Variants in PTBP2 observed in about 807,000 individuals in gnomAD.
PTBP2 encodes the protein polypyrimidine tract-binding protein 2.
PTBP2 carries 13 observed loss-of-function variants against 61.4 expected under a neutral mutation model. That is an observed-to-expected ratio of 0.21 (90% confidence interval 0.14 to 0.34). The LOEUF (loss-of-function observed/expected upper bound fraction) is 0.34, where lower values mean the gene tolerates loss of function less well. PTBP2 is among the 10% of genes least tolerant of loss of function. The probability of loss-of-function intolerance (pLI) is 1.00; values close to 1 mark genes in which losing one functional copy is unlikely to be tolerated. For missense variants in PTBP2, 405 were observed against 642.6 expected (o/e 0.63, Z 4.00); for synonymous variants, 215 against 218.5 (o/e 0.98, Z 0.14).
intron 11 of PTBP2, among the ~76,000 whole-genome samples, chr1:96,809,216 A>C (rs997580531): frequency 2.6e-4 from 39 of 152,190 alleles, no homozygotes; most frequent in African/African-American, 8.9e-4. Context: ...ATTACATGTC[A>C]AACTGACCAA....
intron 2 of PTBP2, among the ~76,000 whole-genome samples, chr1:96,750,037 T>G (rs747402848): frequency 6.6e-5 from 10 of 152,090 alleles, no homozygotes; most frequent in Non-Finnish European, 1.3e-4. Context: ...GTTCTTAAAC[T>G]TTAGCATGCA....
At chr1:96,787,535 TG>T (rs2101083484) in intron 8 of PTBP2, among the ~76,000 whole-genome samples, 1 of 152,334 alleles carries the variant, frequency 6.6e-6, no homozygotes, top group East Asian at 1.9e-4. Flanking sequence ...TCTGTTTTAA[TG>T]TTTTTGCATC....
At chr1:96,778,717 G>T (rs1013903228) in intron 7 of PTBP2, among the ~76,000 whole-genome samples, 1 of 151,710 alleles carries the variant, frequency 6.6e-6, no homozygotes, top group Non-Finnish European at 1.5e-5. Flanking sequence ...ATCTTAACTG[G>T]TTTTCTTCCT....
intron 8 of PTBP2, among the ~76,000 whole-genome samples, chr1:96,799,680 C>T (rs1442831218): frequency 1.3e-5 from 2 of 152,184 alleles, no homozygotes; most frequent in South Asian, 4.1e-4. Context: ...CCAGTGTATA[C>T]AATATGTGTA....
chr1:96,788,060 A>T (rs557627763), intron 8 of PTBP2, among the ~76,000 whole-genome samples: 1 of 152,148 alleles, frequency 6.6e-6, no homozygotes, highest in Non-Finnish European at 1.5e-5. Flanking sequence ...CTGCCAGCAT[A>T]CTATTTTTTA....
chr1:96,749,139 A>T (rs2100900047), intron 2 of PTBP2, among the ~76,000 whole-genome samples: 1 of 152,260 alleles, frequency 6.6e-6, no homozygotes, highest in South Asian at 2.1e-4. Context: ...ATGCAAAAAG[A>T]TGCATTGCAG....
At chr1:96,806,506 T>A in intron 10 of PTBP2, 54 bp downstream of exon 10, 3 of 1,529,396 alleles carry the variant, frequency 2.0e-6, no homozygotes. Context: ...TTGTTTCACC[T>A]TAATTCTTAT....
At chr1:96,784,998 T>C (rs536315158) in intron 7 of PTBP2, 61 bp from the exon 8 acceptor site, 86 of 1,272,884 alleles carry the variant, frequency 6.8e-5, no homozygotes, top group Middle Eastern at 4.7e-4. Flanking sequence ...ACTAAAATTA[T>C]ACTTTCACTA....
At chr1:96,743,243 C>A (rs1473508273) in intron 2 of PTBP2, among the ~76,000 whole-genome samples, 1 of 150,036 alleles carries the variant, frequency 6.7e-6, no homozygotes, top group African/African-American at 2.5e-5. Context: ...CGCCACTGGA[C>A]TCCAGCCTGG....
At chr1:96,792,490 A>G (rs533742942) in intron 8 of PTBP2, among the ~76,000 whole-genome samples, 3 of 152,314 alleles carry the variant, frequency 2.0e-5, no homozygotes, top group African/African-American at 7.2e-5. Flanking sequence ...GAATAAAATT[A>G]GATTAGCTTG....
chr1:96,728,236 C>A (rs1259659178), intron 2 of PTBP2, among the ~76,000 whole-genome samples: 1 of 152,196 alleles, frequency 6.6e-6, no homozygotes, highest in African/African-American at 2.4e-5. Context: ...ATCTTTCTGC[C>A]TCAGCCTTCC....
intron 1 of PTBP2, 95 bp downstream of exon 1, chr1:96,721,967 C>T (rs1432859008): frequency 1.3e-6 from 2 of 1,507,964 alleles, no homozygotes; most frequent in Admixed American, 2.0e-5. Context: ...TCCCGCGGCC[C>T]CTCCCAGGGC....
intron 8 of PTBP2, among the ~76,000 whole-genome samples, chr1:96,795,329 T>C (rs1252714900): frequency 6.6e-6 from 1 of 151,974 alleles, no homozygotes; most frequent in African/African-American, 2.4e-5. Flanking sequence ...ATGGGGAAAA[T>C]TATATGTAAA....
intron 8 of PTBP2, among the ~76,000 whole-genome samples, chr1:96,801,749 T>C (rs545996962): frequency 6.6e-6 from 1 of 151,138 alleles, no homozygotes; most frequent in South Asian, 2.1e-4. Flanking sequence ...TAGTCTCAGC[T>C]ACTCGAGATG....
chr1:96,812,546 G>A (rs1662187178), intron 11 of PTBP2, among the ~76,000 whole-genome samples, 166 bp from the exon 12 acceptor site: 2 of 152,130 alleles, frequency 1.3e-5, no homozygotes, highest in Non-Finnish European at 2.9e-5. Context: ...GCCTTGTCTA[G>A]TTCAAATGAA....
At chr1:96,817,879 A>G (rs1662542237), downstream of PTBP2, 1 of 152,128 alleles carries the variant, frequency 6.6e-6, no homozygotes, top group African/African-American at 2.4e-5. Context: ...ATAGTACAAT[A>G]TTGTTCAAAA....
chr1:96,734,379 C>A (rs984914273), intron 2 of PTBP2, among the ~76,000 whole-genome samples: 1 of 151,982 alleles, frequency 6.6e-6, no homozygotes, highest in Non-Finnish European at 1.5e-5. Flanking sequence ...TTAGGACACA[C>A]ACACAAAGTT....
intron 2 of PTBP2, among the ~76,000 whole-genome samples, chr1:96,743,930 A>C (rs1455635949): frequency 6.6e-6 from 1 of 152,158 alleles, no homozygotes; most frequent in Non-Finnish European, 1.5e-5. Flanking sequence ...CTGTAATCCC[A>C]GCATTTTGGG....
chr1:96,725,591 A>G (rs2100777829), intron 2 of PTBP2, among the ~76,000 whole-genome samples: 1 of 152,244 alleles, frequency 6.6e-6, no homozygotes, highest in East Asian at 1.9e-4. Flanking sequence ...AAGATGATAA[A>G]AAAAAATTGC....
Sources: gnomAD v4.1 joint callset for allele counts (sites outside exome capture counted in the v4.1 genomes callset) on GRCh38, gnomAD v4.1.1 for gene constraint, MANE v1.5 for transcripts, NCBI Gene and HGNC (gene_info 2026-07-23, HGNC 2026-07-21) for gene names.